The following TCF20 variants were observed in gnomAD, a reference collection of about 807,000 sequenced individuals.
TCF20 encodes transcription factor 20, also known as SPRE-binding protein.
Under a neutral mutation model 148.6 loss-of-function variants are expected in TCF20, and 3 were observed. That is an observed-to-expected ratio of 0.02 (90% CI 0.01 to 0.05). The LOEUF (loss-of-function observed/expected upper bound fraction) is 0.05, where lower values mean the gene tolerates loss of function less well. TCF20 is among the 10% of genes least tolerant of loss of function. The pLI, the probability that TCF20 is intolerant of heterozygous loss-of-function variation, is 1.00. For synonymous variants in TCF20, 1,049 were observed against 909.5 expected (o/e 1.15, Z -2.76); for missense variants, 2,350 against 2,429.3 (o/e 0.97, Z 0.69).
chr22:42,327,852 A>G (rs549952812), intron 1 of TCF20, among the ~76,000 whole-genome samples: 1 of 151,226 alleles, frequency 6.6e-6, no homozygotes, highest in Admixed American at 6.6e-5. Context: ...CTTGCTCAAA[A>G]AACACAGGTT....
At chr22:42,261,526 T>C (rs1926027077) in intron 1 of TCF20, among the ~76,000 whole-genome samples, 3 of 152,196 alleles carry the variant, frequency 2.0e-5, no homozygotes. Context: ...CTCACAGTCT[T>C]TCAGCTCTTC....
At chr22:42,223,748 C>T (rs1922593061) in intron 1 of TCF20, among the ~76,000 whole-genome samples, 2 of 152,186 alleles carry the variant, frequency 1.3e-5, no homozygotes. Flanking sequence ...CTAGATATAT[C>T]TGTAACACCT....
At chr22:42,322,375 G>A (rs1043350409) in intron 1 of TCF20, among the ~76,000 whole-genome samples, 2 of 151,770 alleles carry the variant, frequency 1.3e-5, no homozygotes, top group East Asian at 1.9e-4. Context: ...CAGGCTTCCC[G>A]GCAGCCGTCA....
intron 1 of TCF20, among the ~76,000 whole-genome samples, chr22:42,323,885 TGGA>T (rs1927787764): frequency 1.3e-5 from 1 of 77,558 alleles, no homozygotes; most frequent in East Asian, 4.0e-4. Flanking sequence ...GTGGTGGTGA[TGGA>T]GGTTATGGTG....
rs80173187 is a variant in TCF20 at position 42,338,432 on chromosome 22, A to G, written c.-37+5047T>C. 6.6e-6 allele frequency among the ~76,000 whole-genome samples: 1 copy of G among 152,174 alleles called. No homozygotes were observed. Among genetic ancestry groups the G allele is most frequent in the African/African-American group, 2.4e-5 (1 of 41,436 alleles). On this transcript the variant is annotated intron_variant, in intron 1 of 1. Coordinates refer to the TCF20 transcript ENST00000515426. The surrounding 1 kb of genome is among the most constrained non-coding windows in gnomAD (Gnocchi z 4.0). The stretch of plus-strand genomic sequence containing the variant: ...GCGCAGAGTCGGGAGGGGGGTGCCC[A>G]GGGGGCCTCAGCAGAGCCCCGTCCC...
rs576881714 is a variant in TCF20 at position 42,267,333 on chromosome 22, C to T, written c.-37+3006G>A. ...GAGTTTTTTTAAACACCACACTGAACGCAAGGTCATAATTCAAATCCTAAC... is the reference window on the plus strand; with the variant it reads ...GAGTTTTTTTAAACACCACACTGAATGCAAGGTCATAATTCAAATCCTAAC... On this transcript the variant is annotated intron_variant, in intron 1 of 5. Transcript: ENST00000677622. Among the ~76,000 whole-genome samples, 12 of 152,190 alleles carry T rather than the reference C, an allele frequency of 7.9e-5. No homozygotes were observed. The South Asian group carries it at 1.7e-3, about 21-fold the overall frequency.
At chr22:42,172,214 G>C (rs956325403) in intron 3 of TCF20, among the ~76,000 whole-genome samples, 4 of 152,208 alleles carry the variant, frequency 2.6e-5, no homozygotes, top group South Asian at 2.1e-4. Flanking sequence ...CACAATTCAC[G>C]TTCCTGGCAG....
chr22:42,206,603 A>T (rs1265624676), intron 2 of TCF20, among the ~76,000 whole-genome samples: 1 of 152,192 alleles, frequency 6.6e-6, no homozygotes, highest in African/African-American at 2.4e-5. Context: ...CATTGTGTAT[A>T]AACTTCTTAG....
chr22:42,163,390 AAC>A (rs1935582430), intron 5 of TCF20, among the ~76,000 whole-genome samples: 1 of 152,202 alleles, frequency 6.6e-6, no homozygotes, highest in Non-Finnish European at 1.5e-5. Context: ...GACCAGCCCA[AAC>A]ACACGATATC....
At chr22:42,286,578 C>G (rs188453670), upstream of TCF20, among the ~76,000 whole-genome samples, 2 of 152,202 alleles carry the variant, frequency 1.3e-5, no homozygotes, top group East Asian at 1.9e-4. Context: ...TCCCAGTTAG[C>G]GGCCAGCAAG....
At chr22:42,337,872 T>C (rs1928092968) in intron 1 of TCF20, among the ~76,000 whole-genome samples, 1 of 152,222 alleles carries the variant, frequency 6.6e-6, no homozygotes, top group Non-Finnish European at 1.5e-5. Flanking sequence ...GGTGGCCTCA[T>C]ATTCACACCC....
At position 42,212,448 on chromosome 22, in the gene TCF20, G is replaced by T; in HGVS notation, c.2858C>A (p.Pro953His). The T allele has an allele frequency of 1.2e-6, 2 of 1,614,206 alleles. No homozygotes were observed. Among genetic ancestry groups the T allele is most frequent in the Middle Eastern group, 1.6e-4 (1 of 6,062 alleles). Residue 953 changes from proline (P) to histidine (H), a missense_variant, in exon 2 of 6, where the codon CCT (proline) becomes CAT (histidine). By Grantham distance (77) the Pro-to-His change is moderately conservative. Transcript: ENST00000677622. ...NNKKSGDHCH[P>H]PSIKHESYRG... ...GTAAGACTCATGCTTGATGCTAGGA[G>T]GATGGCAGTGGTCTCCAGATTTCTT...
chr22:42,213,934 C>A lies in TCF20; in HGVS notation c.1372G>T (p.Ala458Ser), dbSNP rs758137852. The part of the protein sequence containing the change: ...LTDPGLSSLS[A>S]LSTQVANLPN... Reference sequence around the variant, plus strand: ...AGATTGGCCACTTGAGTACTCAGAGCACTCAAACTACTCAACCCAGGATCT... The same window carrying A: ...AGATTGGCCACTTGAGTACTCAGAGAACTCAAACTACTCAACCCAGGATCT... Residue 458 changes from alanine to serine, a missense_variant, in exon 2 of 6, where the codon GCT becomes TCT. Physicochemically the swap from Ala to Ser is moderately conservative, Grantham distance 99 (BLOSUM62 1). This residue lies in a region of TCF20 where 1,641 missense variants were observed against 1,662.6 expected (regional missense o/e 0.99). Coordinates refer to ENST00000677622, the MANE Select transcript of TCF20 (RefSeq NM_001378418.1). The A allele has an allele frequency of 6.2e-7, 1 of 1,614,174 alleles. No homozygotes were observed. The highest frequency in any genetic ancestry group is 8.5e-7 in the Non-Finnish European group (1 of 1,180,030).
chr22:42,334,236 T>C (rs1031590589), intron 1 of TCF20, among the ~76,000 whole-genome samples: 2 of 152,174 alleles, frequency 1.3e-5, no homozygotes, highest in Admixed American at 6.5e-5. Context: ...TTAATATCAT[T>C]TTCTCATGAG....
chr22:42,161,574 G>A (rs1200928237), intron 5 of TCF20, among the ~76,000 whole-genome samples: 2 of 152,198 alleles, frequency 1.3e-5, no homozygotes, highest in Non-Finnish European at 2.9e-5. Flanking sequence ...CAATGACCTA[G>A]TGGGGGTGCT....
intron 1 of TCF20, among the ~76,000 whole-genome samples, chr22:42,264,692 CCT>C (rs1283270484): frequency 3.9e-5 from 6 of 152,218 alleles, no homozygotes; most frequent in South Asian, 2.1e-4. Flanking sequence ...AGTAACATCC[CCT>C]GAGTTATTTC....
chr22:42,162,022 C>T (rs1935498469), intron 5 of TCF20, among the ~76,000 whole-genome samples: 1 of 117,794 alleles, frequency 8.5e-6, no homozygotes, highest in Admixed American at 1.1e-4. Flanking sequence ...GCTCTATTGC[C>T]CAGACTGGAG....
chr22:42,315,931 T>C (rs999751938), intron 1 of TCF20, among the ~76,000 whole-genome samples: 1 of 151,512 alleles, frequency 6.6e-6, no homozygotes, highest in African/African-American at 2.4e-5. Flanking sequence ...CTGGCCAACA[T>C]GGTGAAATCC....
At chr22:42,249,198 A>G (rs1176871033) in intron 1 of TCF20, among the ~76,000 whole-genome samples, 1 of 152,192 alleles carries the variant, frequency 6.6e-6, no homozygotes, top group Non-Finnish European at 1.5e-5. Flanking sequence ...CCTTGGACCG[A>G]GAGATAACAC....
Sources: gnomAD v4.1 joint callset for allele counts (sites outside exome capture counted in the v4.1 genomes callset) on GRCh38, gnomAD v4.1.1 for gene constraint, gnomAD v4.1.1 regional missense constraint, Gnocchi (gnomAD v3.1) non-coding constraint, MANE v1.5 for transcripts, NCBI Gene and HGNC (gene_info 2026-07-23, HGNC 2026-07-21) for gene names.